HYDIN: variants seen among roughly 807,000 people sequenced by gnomAD.
The protein encoded by HYDIN is axonemal central pair apparatus protein HYDIN.
HYDIN carries 132 observed loss-of-function variants against 403.9 expected under a neutral mutation model. That is an observed-to-expected ratio of 0.33 (90% CI 0.28 to 0.38). HYDIN has a LOEUF of 0.38. Ranked by LOEUF, HYDIN falls within the 10% of genes least tolerant of loss-of-function variation. The pLI, the probability that HYDIN is intolerant of heterozygous loss-of-function variation, is 1.00. For synonymous variants in HYDIN, 1,202 were observed against 1,891.7 expected (o/e 0.64, Z 9.46); for missense variants, 2,827 against 5,009.5 (o/e 0.56, Z 13.15).
At chr16:71,101,870 T>G (rs138376495) in intron 10 of HYDIN, among the ~76,000 whole-genome samples, 5 of 152,156 alleles carry the variant, frequency 3.3e-5, no homozygotes, top group Non-Finnish European at 5.9e-5. Context: ...TGGCACCATG[T>G]ACCTGAAAAC....
At chr16:71,173,891 A>G (rs1317691479) in intron 5 of HYDIN, among the ~76,000 whole-genome samples, 1 of 152,204 alleles carries the variant, frequency 6.6e-6, no homozygotes, top group Non-Finnish European at 1.5e-5. Flanking sequence ...ACAGAAAAAA[A>G]CTAAGGAAAG....
At chr16:70,943,784 C>A (rs1336179584) in intron 42 of HYDIN, 28 bp downstream of exon 42, 2 of 1,605,642 alleles carry the variant, frequency 1.2e-6, no homozygotes, top group Non-Finnish European at 1.7e-6. Context: ...CCAAGCCCTG[C>A]AGCTCTGTGC....
intron 58 of HYDIN, among the ~76,000 whole-genome samples, chr16:70,885,088 A>G (rs1263115124): frequency 2.6e-5 from 4 of 151,456 alleles, no homozygotes; most frequent in Non-Finnish European, 4.4e-5. Context: ...CTTGCTACCT[A>G]TCCGTGAGTG....
At chr16:70,914,197 T>C (rs1305047673) in intron 47 of HYDIN, among the ~76,000 whole-genome samples, 3 of 152,168 alleles carry the variant, frequency 2.0e-5, no homozygotes, top group Non-Finnish European at 2.9e-5. Flanking sequence ...TTTTGCTTTT[T>C]TGTTTTTTTT....
chr16:71,171,200 G>A (rs1322555421), intron 5 of HYDIN, among the ~76,000 whole-genome samples: 1 of 152,078 alleles, frequency 6.6e-6, no homozygotes, highest in East Asian at 1.9e-4. Context: ...TGCTGTTCCC[G>A]CTCCTAGACA....
intron 20 of HYDIN, chr16:71,027,367 G>T: frequency 7.1e-7 from 1 of 1,412,790 alleles, no homozygotes; most frequent in Non-Finnish European, 9.2e-7. Flanking sequence ...GTGGACCCTG[G>T]GCATGAGAAC....
At chr16:71,188,076 T>C (rs1597983777) in intron 1 of HYDIN, among the ~76,000 whole-genome samples, 2 of 152,326 alleles carry the variant, frequency 1.3e-5, no homozygotes, top group African/African-American at 4.8e-5. Flanking sequence ...GCCCCACCCT[T>C]AACCACAATA....
At chr16:71,112,844 AAG>A (rs1810239273) in intron 10 of HYDIN, among the ~76,000 whole-genome samples, 1 of 152,156 alleles carries the variant, frequency 6.6e-6, no homozygotes, top group Admixed American at 6.5e-5. Context: ...CTTACACATC[AAG>A]AGATAATGTA....
intron 5 of HYDIN, among the ~76,000 whole-genome samples, chr16:71,165,811 G>A (rs1704780941): frequency 6.6e-6 from 1 of 150,926 alleles, no homozygotes; most frequent in Non-Finnish European, 1.5e-5. Flanking sequence ...GACAAATGAA[G>A]CCATGTGGAT....
intron 41 of HYDIN, among the ~76,000 whole-genome samples, chr16:70,949,591 C>T (rs922156325): frequency 1.3e-5 from 2 of 152,192 alleles, no homozygotes; most frequent in African/African-American, 2.4e-5. Flanking sequence ...TATACTTACA[C>T]ATTTTTTCCC....
At chr16:71,051,610 C>T (rs1178173925) in intron 18 of HYDIN, among the ~76,000 whole-genome samples, 29 of 149,484 alleles carry the variant, frequency 1.9e-4, no homozygotes, top group African/African-American at 6.7e-4. Context: ...CACGCTACTG[C>T]ACTCCAGCCT....
intron 16 of HYDIN, 132 bp downstream of exon 16, chr16:71,064,573 T>G: frequency 1.3e-6 from 1 of 796,804 alleles, no homozygotes; most frequent in Non-Finnish European, 1.9e-6. Flanking sequence ...CCTTAGACTA[T>G]CTAAGGGTTA....
At chr16:71,174,331 A>G (rs1327771449) in intron 5 of HYDIN, among the ~76,000 whole-genome samples, 1 of 152,170 alleles carries the variant, frequency 6.6e-6, no homozygotes, top group African/African-American at 2.4e-5. Context: ...AGTAGAGGGA[A>G]TACTGGTAAT....
intron 36 of HYDIN, among the ~76,000 whole-genome samples, chr16:70,968,759 T>C (rs1251214246): frequency 6.6e-6 from 1 of 152,224 alleles, no homozygotes; most frequent in Non-Finnish European, 1.5e-5. Flanking sequence ...AAATCCTTCA[T>C]CATAGTAACA....
chr16:70,893,634 C>T (rs2041608194), intron 55 of HYDIN: 1 of 152,040 alleles, frequency 6.6e-6, no homozygotes, highest in South Asian at 2.1e-4. Context: ...TCCTTCCATT[C>T]CAGTCTCCCA....
chr16:71,180,627 A>AAG (rs71389635), intron 3 of HYDIN, among the ~76,000 whole-genome samples: 2 of 151,152 alleles, frequency 1.3e-5, no homozygotes, highest in South Asian at 4.2e-4. Context: ...AGATGAAAGA[A>AAG]AGAGAAAAAA....
At chr16:70,934,120 G>A (rs1361079682) in intron 45 of HYDIN, among the ~76,000 whole-genome samples, 2 of 152,068 alleles carry the variant, frequency 1.3e-5, no homozygotes, top group Non-Finnish European at 2.9e-5. Context: ...GGAGGAGGAC[G>A]TCAAGCAAGT....
Position 71,085,805 on chromosome 16 carries a change from T to C in HYDIN, c.1670+2496A>G, listed in dbSNP as rs2082915672. 2.0e-5 allele frequency among the ~76,000 whole-genome samples: 3 copies of C among 152,244 alleles called. No homozygotes were observed. The South Asian group carries it at 6.2e-4, about 31-fold the overall frequency. ...CTTTTGGTACTGTTTGCATGGTGTA[T>C]ATATTTCCATCCTTTTGGTTTCAAC... On this transcript the variant is annotated intron_variant, in intron 12 of 85. Coordinates refer to ENST00000393567, the MANE Select transcript of HYDIN (RefSeq NM_001270974.2).
At chr16:71,118,055 G>A (rs1265119704) in intron 9 of HYDIN, among the ~76,000 whole-genome samples, 2 of 152,144 alleles carry the variant, frequency 1.3e-5, no homozygotes, top group Non-Finnish European at 2.9e-5. Context: ...CACCAAGGAA[G>A]TCAAGTACTT....
Sources: gnomAD v4.1 joint callset for allele counts (sites outside exome capture counted in the v4.1 genomes callset) on GRCh38, gnomAD v4.1.1 for gene constraint, MANE v1.5 for transcripts, NCBI Gene and HGNC (gene_info 2026-07-23, HGNC 2026-07-21) for gene names.